SORCS1: variants seen among roughly 807,000 people sequenced by gnomAD.
The protein encoded by SORCS1 is sortilin related VPS10 domain containing receptor 1.
SORCS1 carries 60 observed loss-of-function variants against 146.1 expected under a neutral mutation model. The ratio of observed to expected loss-of-function variants is 0.41; its 90% confidence interval spans 0.33 to 0.51. The LOEUF (loss-of-function observed/expected upper bound fraction) is 0.51. Among genes scored for constraint, SORCS1 ranks in the 20% least tolerant of loss-of-function variants. The pLI is 0.21. For synonymous variants in SORCS1, 637 were observed against 584.0 expected (o/e 1.09, Z -1.31); for missense variants, 1,352 against 1,487.6 (o/e 0.91, Z 1.50).
chr10:106,987,703 T>C (rs1589858960), intron 1 of SORCS1, among the ~76,000 whole-genome samples: 1 of 152,328 alleles, frequency 6.6e-6, no homozygotes, highest in Non-Finnish European at 1.5e-5. Flanking sequence ...TCAAAGATTT[T>C]TTTCTTCTTC....
rs1844612011 is a variant in SORCS1, at chr10:106,577,096, G to A, written c.*324C>T. 18 of 781,086 alleles carry A rather than the reference G, an allele frequency of 2.3e-5. No individual in the cohort carries two copies. The highest frequency in any genetic ancestry group is 3.2e-5 in the Non-Finnish European group (18 of 554,942). 48.4% of individuals were successfully genotyped at this position (781,086 alleles called of 1,614,324 possible). On this transcript the variant is annotated 3_prime_UTR_variant, in exon 26 of 26. Coordinates refer to ENST00000263054, the MANE Select transcript of SORCS1 (RefSeq NM_052918.5). ...AGGCTTAAAGCTAAAAACCCTTGTTGTCTGTGTCTGAAGAATTAAAAAGTC... is the reference window on the plus strand; with the variant it reads ...AGGCTTAAAGCTAAAAACCCTTGTTATCTGTGTCTGAAGAATTAAAAAGTC...
intron 1 of SORCS1, among the ~76,000 whole-genome samples, chr10:107,132,554 G>A (rs908685371): frequency 6.6e-6 from 1 of 152,118 alleles, no homozygotes; most frequent in Non-Finnish European, 1.5e-5. Flanking sequence ...TTCTTGATTC[G>A]ATAATTCAGT....
chr10:107,176,581 C>G, the SORCS1 span, among the ~76,000 whole-genome samples: 115 of 152,146 alleles, frequency 7.6e-4, no homozygotes, highest in Middle Eastern at 3.4e-3. Flanking sequence ...CTCAAGCGAT[C>G]CTCCCAGCTT....
intron 17 of SORCS1, among the ~76,000 whole-genome samples, chr10:106,652,984 T>C (rs1455798652): frequency 6.6e-6 from 1 of 152,192 alleles, no homozygotes. Context: ...AAAAAATAGA[T>C]TATGATAGAT....
chr10:107,082,073 C>G (rs1035904423), intron 1 of SORCS1, among the ~76,000 whole-genome samples: 2 of 152,132 alleles, frequency 1.3e-5, no homozygotes, highest in African/African-American at 4.8e-5. Flanking sequence ...CTTAATTGTC[C>G]AATTTGTTGT....
intron 4 of SORCS1, among the ~76,000 whole-genome samples, chr10:106,768,491 T>C (rs1859745807): frequency 1.3e-5 from 2 of 152,220 alleles, no homozygotes; most frequent in African/African-American, 4.8e-5. Context: ...CTTGCCCTTT[T>C]GACATTAAGG....
chr10:106,874,741 C>T (rs781647009), intron 2 of SORCS1, among the ~76,000 whole-genome samples: 2 of 152,070 alleles, frequency 1.3e-5, no homozygotes, highest in Non-Finnish European at 2.9e-5. Flanking sequence ...TTAGAGGAAC[C>T]ACAAGACAGT....
chr10:107,010,758 T>C (rs2139728866), intron 1 of SORCS1, among the ~76,000 whole-genome samples: 1 of 152,306 alleles, frequency 6.6e-6, no homozygotes, highest in Admixed American at 6.5e-5. Context: ...AAGACCGAGT[T>C]CATAAGCAGC....
At chr10:107,014,395 G>A (rs1055168914) in intron 1 of SORCS1, among the ~76,000 whole-genome samples, 1 of 152,046 alleles carries the variant, frequency 6.6e-6, no homozygotes, top group African/African-American at 2.4e-5. Flanking sequence ...CCCTCTTGTG[G>A]GGGCCACTGT....
chr10:106,942,735 T>C (rs1312273568), intron 2 of SORCS1, among the ~76,000 whole-genome samples: 2 of 152,148 alleles, frequency 1.3e-5, no homozygotes, highest in Non-Finnish European at 2.9e-5. Flanking sequence ...CTCCCTGATC[T>C]ACTACGACTG....
intron 19 of SORCS1, among the ~76,000 whole-genome samples, chr10:106,623,704 T>C (rs11192978): frequency 0.14 from 21,713 of 151,772 alleles, 2,147 homozygotes; most frequent in East Asian, 0.32. Flanking sequence ...CTCCCTCTGC[T>C]GCCCAGGCTG....
At chr10:106,976,553 G>A (rs190106807) in intron 1 of SORCS1, among the ~76,000 whole-genome samples, 144 of 152,038 alleles carry the variant, frequency 9.5e-4, no homozygotes, top group African/African-American at 3.1e-3. Flanking sequence ...GGATGGTCTC[G>A]ATCTCCTGAC....
intron 25 of SORCS1, chr10:106,578,862 G>T: frequency 1.4e-5 from 19 of 1,379,352 alleles, no homozygotes; most frequent in Non-Finnish European, 1.8e-5. Flanking sequence ...GGAGGGTTTT[G>T]CAAAAGGAGG....
chr10:106,774,809 T>C (rs544075729), intron 4 of SORCS1, among the ~76,000 whole-genome samples: 1 of 152,318 alleles, frequency 6.6e-6, no homozygotes, highest in African/African-American at 2.4e-5. Context: ...TCCAGATGGA[T>C]AGAATATTGT....
intron 1 of SORCS1, among the ~76,000 whole-genome samples, chr10:107,002,108 G>A (rs764110550): frequency 2.6e-5 from 4 of 152,112 alleles, no homozygotes; most frequent in Admixed American, 2.0e-4. Flanking sequence ...GGACAAGAAC[G>A]GCCCTGAGCA....
chr10:106,994,063 C>CAAAA (rs67408221), intron 1 of SORCS1, among the ~76,000 whole-genome samples: 16 of 80,788 alleles, frequency 2.0e-4, no homozygotes, highest in African/African-American at 6.4e-4. Context: ...GACCCCATCT[C>CAAAA]AAAAAAAAAA....
chr10:106,646,304 G>A (rs976893436), intron 18 of SORCS1, among the ~76,000 whole-genome samples: 10 of 152,000 alleles, frequency 6.6e-5, no homozygotes, highest in African/African-American at 1.9e-4. Flanking sequence ...AGATTTGTTG[G>A]TATAATTCCT....
chr10:106,954,323 A>C (rs1280274392), intron 2 of SORCS1, among the ~76,000 whole-genome samples: 2 of 152,248 alleles, frequency 1.3e-5, no homozygotes, highest in East Asian at 3.8e-4. Flanking sequence ...CATTAGAGAA[A>C]TCTATCAGGG....
At chr10:107,015,598 C>T (rs993801857) in intron 1 of SORCS1, among the ~76,000 whole-genome samples, 1 of 152,184 alleles carries the variant, frequency 6.6e-6, no homozygotes, top group Non-Finnish European at 1.5e-5. Flanking sequence ...TATCCATAGT[C>T]ACAAATAATT....
Sources: gnomAD v4.1 joint callset for allele counts (sites outside exome capture counted in the v4.1 genomes callset) on GRCh38, gnomAD v4.1.1 for gene constraint, MANE v1.5 for transcripts, NCBI Gene and HGNC (gene_info 2026-07-23, HGNC 2026-07-21) for gene names.